The following CPEB4 variants were observed in gnomAD, a reference collection of about 807,000 sequenced individuals.
CPEB4 encodes the protein cytoplasmic polyadenylation element binding protein 4, also known as cytoplasmic polyadenylation element-binding protein 4.
In CPEB4, 12 loss-of-function variants were observed where a neutral mutation model predicts 72.5. That is an observed-to-expected ratio of 0.17 (90% CI 0.11 to 0.27). CPEB4 has a LOEUF of 0.27. Ranked by LOEUF, CPEB4 falls within the 10% of genes least tolerant of loss-of-function variation. The pLI, the probability that CPEB4 is intolerant of heterozygous loss-of-function variation, is 1.00. For missense variants in CPEB4, 614 were observed against 908.5 expected (o/e 0.68, Z 4.17); for synonymous variants, 302 against 326.3 (o/e 0.93, Z 0.80).
Position 173,949,963 on chromosome 5 carries a change from A to T in CPEB4, c.1550A>T (p.Tyr517Phe). The change falls in exon 7 of 10, where the codon TAT (tyrosine) becomes TTT (phenylalanine). Residue 517 changes from tyrosine to phenylalanine, a missense_variant. Transcript: ENST00000265085. ...CTTCTTTCCCCCTTTTTTCCAGGCT[A>T]TGCATTCCTGCTGTTTCAAGATGAA... ...ESKSYFPPKGYAFLLFQDESS... is the reference protein window; with the variant it reads ...ESKSYFPPKGFAFLLFQDESS... 1 of 1,602,170 alleles carries T rather than the reference A, an allele frequency of 6.2e-7. No individual in the cohort carries two copies. Among genetic ancestry groups the T allele is most frequent in the Admixed American group, 1.7e-5 (1 of 58,674 alleles).
Position 173,888,600 on chromosome 5 carries a change from A to G in CPEB4, c.-1134A>G. 1 of 396,532 alleles carries G rather than the reference A, an allele frequency of 2.5e-6. No homozygotes were observed. Among genetic ancestry groups the G allele is most frequent in the Admixed American group, 4.4e-5 (1 of 22,630 alleles). 24.6% of individuals were successfully genotyped at this position (396,532 alleles called of 1,614,324 possible). ...ACAAAAGCCTTCTAAATTATAGTTT[A>G]AAAAAAAATTCTGGGGGAAAAGAGA... is the stretch of plus-strand genomic sequence containing the variant. On this transcript the variant is annotated 5_prime_UTR_variant, in exon 1 of 10. Transcript: ENST00000265085. This position sits in a 1 kb window ranked among gnomAD's most constrained non-coding sequence, Gnocchi z 4.3.
In CPEB4 at chr5:173,957,118, C is replaced by G. The variant is rs1375000911; in HGVS notation, c.*981C>G. On this transcript the variant is annotated 3_prime_UTR_variant, in exon 10 of 10. Transcript: ENST00000265085. Reference sequence around the variant, plus strand: ...TACTCATCAGATGTCAGCCTTTGCTCTCCATTTTGACGTTAAAAAACAACA... The same window carrying G: ...TACTCATCAGATGTCAGCCTTTGCTGTCCATTTTGACGTTAAAAAACAACA... The G allele has an allele frequency of 6.5e-6, 1 of 152,730 alleles. No homozygotes were observed. The highest frequency in any genetic ancestry group is 2.4e-5 in the African/African-American group (1 of 41,436). 9.5% of individuals were successfully genotyped at this position (152,730 alleles called of 1,614,324 possible). A position where few individuals can be genotyped will look rare whatever the true frequency, so the allele number is the denominator to read the frequency against.
chr5:173,901,471 A>G (rs1047016606), intron 1 of CPEB4, among the ~76,000 whole-genome samples: 15 of 152,216 alleles, frequency 9.9e-5, no homozygotes, highest in African/African-American at 3.6e-4. Flanking sequence ...TCAGATAATT[A>G]CCACTTTAAC....
At chr5:173,918,189 T>C (rs1243305383) in intron 2 of CPEB4, 1 of 152,318 alleles carries the variant, frequency 6.6e-6, no homozygotes, top group Non-Finnish European at 1.5e-5. Context: ...TGGAACATCC[T>C]AAACAGTCTT....
chr5:173,949,213 A>G (rs768011556), intron 5 of CPEB4, among the ~76,000 whole-genome samples: 1 of 152,176 alleles, frequency 6.6e-6, no homozygotes, highest in Non-Finnish European at 1.5e-5. Flanking sequence ...AGATACCAAT[A>G]GTTATGTTTG....
Position 173,950,887 on chromosome 5 carries a change from T to C in CPEB4, c.1665+809T>C, listed in dbSNP as rs1341293053. Among the ~76,000 whole-genome samples, 1 of 152,212 alleles carries C rather than the reference T, an allele frequency of 6.6e-6. No homozygotes were observed. The highest frequency in any genetic ancestry group is 2.4e-5 in the African/African-American group (1 of 41,448). The stretch of plus-strand genomic sequence containing the variant: ...AAAGTTTATCATAAAATTTAGTCTT[T>C]AGGAAGAGGAGCAACTGGCATGTTT... On this transcript the variant is annotated intron_variant, in intron 7 of 9. Transcript: ENST00000265085. This position sits in a 1 kb window ranked among gnomAD's most constrained non-coding sequence, Gnocchi z 5.0.
Position 173,890,399 on chromosome 5 carries a change from C to T in CPEB4, c.666C>T (p.Phe222=), listed in dbSNP as rs777473511. ...TCAGCCCTGGCTTTGGAGGCAGCTT[C>T]TCTCCTCAGATCGGGCCTCTCTCAC... is the stretch of plus-strand genomic sequence containing the variant. ...HHVSPGFGGS[F]SPQIGPLSQH... The change falls in exon 1 of 10, where the codon TTC becomes TTT. Residue 222 remains phenylalanine, a synonymous_variant. Transcript: ENST00000265085. 1.9e-6 allele frequency: 3 copies of T among 1,614,014 alleles called. No homozygotes were observed. The highest frequency in any genetic ancestry group is 2.7e-5 in the African/African-American group (2 of 74,896).
chr5:173,927,785 A>AG (rs1757300121), intron 2 of CPEB4, among the ~76,000 whole-genome samples: 1 of 152,228 alleles, frequency 6.6e-6, no homozygotes. Flanking sequence ...TAAAAAAAAA[A>AG]AAGATAGATT....
At position 173,949,955 on chromosome 5, in the gene CPEB4, TCCAGGC is replaced by T; in HGVS notation, c.1547-4_1548del. 6.3e-7 allele frequency: 1 copy of T among 1,591,374 alleles called. No homozygotes were observed. Among genetic ancestry groups the T allele is most frequent in the Admixed American group, 1.7e-5 (1 of 58,482 alleles). ...ATGTAAGCCTTCTTTCCCCCTTTTTTCCAGGCTATGCATTCCTGCTGTTTCAAGATG... is the reference window on the plus strand; with the variant it reads ...ATGTAAGCCTTCTTTCCCCCTTTTTTTATGCATTCCTGCTGTTTCAAGATG... On this transcript the variant is annotated splice_acceptor_variant and splice_polypyrimidine_tract_variant and coding_sequence_variant and intron_variant, in exon 7 of 10. Coordinates refer to ENST00000265085, the MANE Select transcript of CPEB4 (RefSeq NM_030627.4). LOFTEE classifies it high-confidence loss of function.
chr5:173,925,680 G>T (rs1012968136), intron 2 of CPEB4, among the ~76,000 whole-genome samples: 4 of 152,184 alleles, frequency 2.6e-5, no homozygotes, highest in Admixed American at 2.0e-4. Context: ...CCATCTTGCT[G>T]CAAGTCTCAA....
At chr5:173,929,556 A>G (rs1757366731) in intron 2 of CPEB4, among the ~76,000 whole-genome samples, 2 of 152,066 alleles carry the variant, frequency 1.3e-5, no homozygotes, top group Admixed American at 1.3e-4. Flanking sequence ...AAAATTAGCC[A>G]GGCATGGTGG....
intron 1 of CPEB4, among the ~76,000 whole-genome samples, chr5:173,907,267 AAAC>A (rs758240830): frequency 1.7e-3 from 261 of 151,858 alleles, no homozygotes; most frequent in Middle Eastern, 3.4e-3. Context: ...CTCCGTCTCA[AAAC>A]AACAACAACA....
At chr5:173,914,489 C>A (rs574742481) in intron 2 of CPEB4, among the ~76,000 whole-genome samples, 5 of 152,316 alleles carry the variant, frequency 3.3e-5, no homozygotes, top group Non-Finnish European at 7.4e-5. Flanking sequence ...GGTGTGGTAG[C>A]TCACACCTGT....
At chr5:173,940,571 A>T (rs1366422533) in intron 3 of CPEB4, among the ~76,000 whole-genome samples, 1 of 152,176 alleles carries the variant, frequency 6.6e-6, no homozygotes, top group African/African-American at 2.4e-5. Flanking sequence ...CATTCTATTA[A>T]TGTCTGGGTT....
chr5:173,949,680 C>T, intron 6 of CPEB4, 83 bp downstream of exon 6: 1 of 959,368 alleles, frequency 1.0e-6, no homozygotes, highest in Non-Finnish European at 1.6e-6. Flanking sequence ...TTCACCTTCA[C>T]TGTAAAATGT....
At position 173,900,538 on chromosome 5, in the gene CPEB4, C is replaced by T. The variant is rs189724616; in HGVS notation, c.1125+9680C>T. ...GTCTAAATAACTTCATTCCTCAAGG[C>T]TGAGTGTTAGTATTGTTTACCTGCT... On this transcript the variant is annotated intron_variant, in intron 1 of 9. Transcript: ENST00000265085. The surrounding 1 kb of genome is among the most constrained non-coding windows in gnomAD (Gnocchi z 4.4). Among the ~76,000 whole-genome samples the T allele has an allele frequency of 2.0e-4, 30 of 152,320 alleles. No homozygotes were observed. The East Asian group carries it at 5.8e-3, about 29-fold the overall frequency.
intron 5 of CPEB4, among the ~76,000 whole-genome samples, chr5:173,947,187 G>A (rs1758049970): frequency 6.6e-6 from 1 of 152,154 alleles, no homozygotes; most frequent in Non-Finnish European, 1.5e-5. Flanking sequence ...TCTTTGAAAT[G>A]TATTTTTCCA....
At chr5:173,917,446 T>G (rs748028996) in intron 2 of CPEB4, among the ~76,000 whole-genome samples, 15 of 152,192 alleles carry the variant, frequency 9.9e-5, no homozygotes, top group Non-Finnish European at 1.6e-4. Context: ...AAAGAAGAAG[T>G]GGATAGGCTG....
intron 2 of CPEB4, among the ~76,000 whole-genome samples, chr5:173,922,711 C>G (rs369843311): frequency 2.6e-5 from 4 of 152,198 alleles, no homozygotes; most frequent in African/African-American, 7.2e-5. Flanking sequence ...ACCAGATTTG[C>G]CATGGGACTT....
Sources: allele counts gnomAD v4.1 joint callset (sites outside exome capture counted in the v4.1 genomes callset), GRCh38; gene constraint gnomAD v4.1.1; non-coding constraint Gnocchi (gnomAD v3.1); transcripts MANE v1.5; gene names NCBI Gene and HGNC (gene_info 2026-07-23, HGNC 2026-07-21).